CLSTN2: variants seen among roughly 807,000 people sequenced by gnomAD.
The protein encoded by CLSTN2 is calsyntenin 2.
A neutral mutation model predicts 101.2 loss-of-function variants in CLSTN2; 48 were observed. The observed-to-expected ratio is 0.47, with a 90% CI of 0.38 to 0.60. The LOEUF (loss-of-function observed/expected upper bound fraction) is 0.60. Among genes scored for constraint, CLSTN2 ranks in the 20% least tolerant of loss-of-function variants. CLSTN2 has a pLI of 0.00. For missense variants in CLSTN2, 1,160 were observed against 1,238.2 expected, an observed-to-expected ratio of 0.94 and a Z score of 0.95; for synonymous variants, 481 against 463.6, an observed-to-expected ratio of 1.04 and a Z score of -0.48.
chr3:140,007,852 G>A (rs957494275), intron 1 of CLSTN2, among the ~76,000 whole-genome samples: 1 of 152,214 alleles, frequency 6.6e-6, no homozygotes, highest in Non-Finnish European at 1.5e-5. Flanking sequence ...CGGTGGTGGA[G>A]GAGAGATGTT....
At chr3:140,078,702 C>A (rs979231940) in intron 1 of CLSTN2, among the ~76,000 whole-genome samples, 1 of 152,074 alleles carries the variant, frequency 6.6e-6, no homozygotes, top group South Asian at 2.1e-4. Flanking sequence ...AAAAGGAAAA[C>A]GGTGCAGGGG....
At chr3:140,171,028 T>C (rs930289495) in intron 1 of CLSTN2, among the ~76,000 whole-genome samples, 2 of 152,184 alleles carry the variant, frequency 1.3e-5, no homozygotes, top group African/African-American at 4.8e-5. Flanking sequence ...TCCTGGTGTA[T>C]GCTTTGTACA....
chr3:140,224,130 A>C (rs1250489969), intron 2 of CLSTN2, among the ~76,000 whole-genome samples: 2 of 152,154 alleles, frequency 1.3e-5, no homozygotes, highest in African/African-American at 4.8e-5. Context: ...ATTACTTCCT[A>C]GAAGCAATAA....
chr3:140,441,292 T>C (rs80039226), intron 5 of CLSTN2, among the ~76,000 whole-genome samples: 11,019 of 152,122 alleles, frequency 0.072, 1,347 homozygotes, highest in African/African-American at 0.25. Flanking sequence ...CTCACAGAAG[T>C]TTTAGTACCT....
At position 140,081,428 on chromosome 3, in the gene CLSTN2, G is replaced by A. The variant is rs147736264; in HGVS notation, c.110-94523G>A. Among the ~76,000 whole-genome samples, 3 of 152,228 alleles carry A rather than the reference G, an allele frequency of 2.0e-5. No homozygotes were observed. In the East Asian group the frequency reaches 5.8e-4, roughly 29 times the overall value. On this transcript the variant is annotated intron_variant, in intron 1 of 16. Coordinates refer to ENST00000458420, the MANE Select transcript of CLSTN2 (RefSeq NM_022131.3). ...GCGTGAAAAGTTAAACACTTGAAAG[G>A]GATAAAGATTACCTGCCAGTGCTTT...
chr3:140,313,408 T>C (rs1007133749), intron 2 of CLSTN2, among the ~76,000 whole-genome samples: 1 of 152,144 alleles, frequency 6.6e-6, no homozygotes, highest in Admixed American at 6.5e-5. Flanking sequence ...GAATTTTTTT[T>C]CCACCTAGGG....
chr3:140,389,016 T>A (rs1166367399), intron 2 of CLSTN2, among the ~76,000 whole-genome samples: 2 of 152,234 alleles, frequency 1.3e-5, no homozygotes, highest in Non-Finnish European at 2.9e-5. Context: ...GATGGAATCT[T>A]GTGTTTCTGT....
chr3:140,233,465 A>G (rs1038137949), intron 2 of CLSTN2, among the ~76,000 whole-genome samples: 1 of 152,014 alleles, frequency 6.6e-6, no homozygotes, highest in Admixed American at 6.6e-5. Context: ...CGAGCTATGG[A>G]CTCTCTGAGA....
At chr3:140,315,683 G>T (rs1373217697) in intron 2 of CLSTN2, among the ~76,000 whole-genome samples, 1 of 152,164 alleles carries the variant, frequency 6.6e-6, no homozygotes, top group Non-Finnish European at 1.5e-5. Flanking sequence ...CCACAGAGTG[G>T]CTGTTACTTG....
intron 2 of CLSTN2, among the ~76,000 whole-genome samples, chr3:140,336,123 G>T (rs1460023062): frequency 6.6e-6 from 1 of 152,194 alleles, no homozygotes; most frequent in Non-Finnish European, 1.5e-5. Flanking sequence ...GCAGTTATTT[G>T]TGGGTCACAT....
At chr3:140,273,626 A>G (rs1482150088) in intron 2 of CLSTN2, among the ~76,000 whole-genome samples, 2 of 152,164 alleles carry the variant, frequency 1.3e-5, no homozygotes, top group Non-Finnish European at 2.9e-5. Context: ...AAGGCCTGGT[A>G]TAGAGTTGGT....
At chr3:140,248,715 C>A (rs2107873778) in intron 2 of CLSTN2, among the ~76,000 whole-genome samples, 1 of 152,242 alleles carries the variant, frequency 6.6e-6, no homozygotes, top group South Asian at 2.1e-4. Flanking sequence ...AATGAAGGGT[C>A]CTTATAGAAT....
At chr3:140,445,726 C>T (rs962211649) in intron 5 of CLSTN2, among the ~76,000 whole-genome samples, 7 of 152,146 alleles carry the variant, frequency 4.6e-5, no homozygotes, top group African/African-American at 1.7e-4. Flanking sequence ...TCAGGAAGTG[C>T]TACCAAGGCA....
intron 2 of CLSTN2, among the ~76,000 whole-genome samples, chr3:140,355,725 G>A (rs2087663899): frequency 6.6e-6 from 1 of 152,192 alleles, no homozygotes; most frequent in Admixed American, 6.5e-5. Flanking sequence ...ATTCCCAGGA[G>A]CAATGGGGAT....
intron 1 of CLSTN2, among the ~76,000 whole-genome samples, chr3:139,997,119 G>A (rs1042899645): frequency 5.3e-5 from 8 of 149,970 alleles, no homozygotes; most frequent in Non-Finnish European, 1.0e-4. Context: ...TGCATTGTTT[G>A]CATTTTAAAA....
At chr3:140,186,001 T>C (rs749362965) in intron 2 of CLSTN2, among the ~76,000 whole-genome samples, 6 of 152,158 alleles carry the variant, frequency 3.9e-5, no homozygotes, top group Non-Finnish European at 8.8e-5. Context: ...CAAAGAGGCC[T>C]AGTGAAAACT....
chr3:140,174,845 A>G (rs2010296201), intron 1 of CLSTN2, among the ~76,000 whole-genome samples: 1 of 152,228 alleles, frequency 6.6e-6, no homozygotes, highest in Admixed American at 6.5e-5. Context: ...ACACAGAGCC[A>G]AACCATATCA....
intron 1 of CLSTN2, among the ~76,000 whole-genome samples, chr3:140,030,081 G>T (rs2007514304): frequency 6.6e-6 from 1 of 152,186 alleles, no homozygotes; most frequent in African/African-American, 2.4e-5. Flanking sequence ...GCAGCACCAA[G>T]ATTTGTCAGG....
intron 1 of CLSTN2, among the ~76,000 whole-genome samples, chr3:140,149,282 A>G (rs1576446035): frequency 6.6e-6 from 1 of 152,178 alleles, no homozygotes; most frequent in Non-Finnish European, 1.5e-5. Flanking sequence ...TAACTGTGCA[A>G]TGATAAAGCT....
Sources: gnomAD v4.1 joint callset for allele counts (sites outside exome capture counted in the v4.1 genomes callset) on GRCh38, gnomAD v4.1.1 for gene constraint, MANE v1.5 for transcripts, NCBI Gene and HGNC (gene_info 2026-07-23, HGNC 2026-07-21) for gene names.